Variants in DYDC1 observed in about 807,000 individuals in gnomAD.
DYDC1 encodes the protein DPY30 domain containing 1, also known as DPY30 domain-containing protein 1.
Under a neutral mutation model 27.9 loss-of-function variants are expected in DYDC1, and 21 were observed. That is an observed-to-expected ratio of 0.75 (90% CI 0.53 to 1.08). The LOEUF (loss-of-function observed/expected upper bound fraction) is 1.08, where lower values mean the gene tolerates loss of function less well. Ranked by LOEUF, DYDC1 falls within the 50% of genes least tolerant of loss-of-function variation. DYDC1 has a pLI of 0.00. For missense variants in DYDC1, 202 were observed against 205.9 expected (o/e 0.98, Z 0.12); for synonymous variants, 67 against 65.8 (o/e 1.02, Z -0.09).
chr10:80,350,319 G>C (rs995644457), intron 3 of DYDC1, among the ~76,000 whole-genome samples: 1 of 152,188 alleles, frequency 6.6e-6, no homozygotes, highest in African/African-American at 2.4e-5. Context: ...AGAGAGTTAT[G>C]TATCTCCCAC....
chr10:80,352,021 A>G lies in DYDC1; in HGVS notation c.148-19T>C, dbSNP rs1462690318. On this transcript the variant is annotated intron_variant, in intron 2 of 6. Transcript: ENST00000372202. ...TTTGTCTCTAGCATTGTTTAAAAACAACAGCACACGACTTCTTAGCGAGAA... is the reference window on the plus strand; with the variant it reads ...TTTGTCTCTAGCATTGTTTAAAAACGACAGCACACGACTTCTTAGCGAGAA... 1 of 1,610,448 alleles carries G rather than the reference A, an allele frequency of 6.2e-7. No homozygotes were observed. Among genetic ancestry groups the G allele is most frequent in the Admixed American group, 1.7e-5 (1 of 59,902 alleles).
At chr10:80,343,566 G>A (rs1391867520) in intron 3 of DYDC1, among the ~76,000 whole-genome samples, 1 of 151,974 alleles carries the variant, frequency 6.6e-6, no homozygotes, top group Non-Finnish European at 1.5e-5. Flanking sequence ...GAAGCCAGGA[G>A]TTCAAGACCA....
intron 1 of DYDC1, among the ~76,000 whole-genome samples, chr10:80,353,145 C>G (rs935671240): frequency 6.6e-6 from 1 of 151,628 alleles, no homozygotes; most frequent in Non-Finnish European, 1.5e-5. Flanking sequence ...CAATAGTCCA[C>G]CTTTTGAAAA....
intron 1 of DYDC1, among the ~76,000 whole-genome samples, chr10:80,352,970 G>A (rs929943021): frequency 6.6e-6 from 1 of 152,118 alleles, no homozygotes; most frequent in Non-Finnish European, 1.5e-5. Flanking sequence ...GTGGGAAGAT[G>A]AGCAAGCCCA....
chr10:80,347,727 T>C (rs954732755), intron 3 of DYDC1, among the ~76,000 whole-genome samples: 2 of 152,196 alleles, frequency 1.3e-5, no homozygotes, highest in African/African-American at 4.8e-5. Flanking sequence ...TCCCTTTGTG[T>C]TTTCTTGCAG....
chr10:80,349,209 A>G, intron 3 of DYDC1, among the ~76,000 whole-genome samples: 1 of 152,226 alleles, frequency 6.6e-6, no homozygotes, highest in East Asian at 1.9e-4. Context: ...AATATTTTAA[A>G]ATAGATTTTG....
At chr10:80,348,250 C>T (rs1842785157) in intron 3 of DYDC1, among the ~76,000 whole-genome samples, 1 of 151,990 alleles carries the variant, frequency 6.6e-6, no homozygotes, top group African/African-American at 2.4e-5. Flanking sequence ...GTTTCTTTTT[C>T]GAGTAAGTTA....
At chr10:80,345,234 T>C (rs978793309) in intron 3 of DYDC1, among the ~76,000 whole-genome samples, 14 of 152,194 alleles carry the variant, frequency 9.2e-5, no homozygotes, top group African/African-American at 2.9e-4. Context: ...AAGCTGAATA[T>C]ATCCTGATGT....
chr10:80,348,194 G>A (rs931651447), intron 3 of DYDC1, among the ~76,000 whole-genome samples: 1 of 152,016 alleles, frequency 6.6e-6, no homozygotes, highest in Non-Finnish European at 1.5e-5. Context: ...TTATTCCTAC[G>A]TATATTATTC....
At chr10:80,336,824 C>G (rs912454716) in intron 6 of DYDC1, among the ~76,000 whole-genome samples, 1 of 152,342 alleles carries the variant, frequency 6.6e-6, no homozygotes, top group Admixed American at 6.5e-5. Flanking sequence ...CCACTCAGTT[C>G]CCTCCATCTC....
At chr10:80,336,237 A>G (rs908311872) in intron 6 of DYDC1, 52 bp from the exon 7 acceptor site, 2 of 1,520,424 alleles carry the variant, frequency 1.3e-6, no homozygotes, top group East Asian at 2.4e-5. Context: ...GAACTGTGAA[A>G]AGGCACAAGC....
At position 80,339,617 on chromosome 10, in the gene DYDC1, T is replaced by C. The variant is rs141923554; in HGVS notation, c.343-464A>G. Among the ~76,000 whole-genome samples, 25 of 152,284 alleles carry C rather than the reference T, an allele frequency of 1.6e-4. No homozygotes were observed. The East Asian group carries it at 4.4e-3, about 27-fold the overall frequency. On this transcript the variant is annotated intron_variant, in intron 4 of 6. Transcript: ENST00000372202. ...AGGACCTGAGCAATGCCCTCTTTAA[T>C]ACTCTGAGCACTGCAGTAGGAATAT...
Position 80,347,848 on chromosome 10 carries a change from T to C in DYDC1, c.249+4053A>G, listed in dbSNP as rs79895716. Among the ~76,000 whole-genome samples, 774 of 152,370 alleles carry C rather than the reference T, an allele frequency of 5.1e-3. 5 individuals carry two copies. The highest frequency in any genetic ancestry group is 0.018 in the African/African-American group (740 of 41,592). On this transcript the variant is annotated intron_variant, in intron 3 of 6. Coordinates refer to ENST00000372202, the MANE Select transcript of DYDC1 (RefSeq NM_001269053.2). ...TATGCCAATACCATACTGTTGTAATTACTATGGCTTTGTAATATAATTCTG... is the reference window on the plus strand; with the variant it reads ...TATGCCAATACCATACTGTTGTAATCACTATGGCTTTGTAATATAATTCTG...
In DYDC1 at chr10:80,336,229, A is replaced by G. The variant is rs746101820; in HGVS notation, c.505-44T>C. ...GTAAATATTCCTTAATACAATTAGA[A>G]CTGTGAAAAGGCACAAGCCAAAGAA... On this transcript the variant is annotated intron_variant, in intron 6 of 6. Coordinates refer to ENST00000372202, the MANE Select transcript of DYDC1 (RefSeq NM_001269053.2). The G allele has an allele frequency of 1.2e-5, 18 of 1,532,012 alleles. No homozygotes were observed. The South Asian group carries it at 2.3e-4, about 20-fold the overall frequency. The allele number at this position is 1,532,012 out of a possible 1,614,324, so 94.9% of individuals were successfully genotyped here.
chr10:80,337,213 G>GTC (rs1393303842), intron 6 of DYDC1: 8 of 985,320 alleles, frequency 8.1e-6, no homozygotes, highest in Non-Finnish European at 9.6e-6. Context: ...CCCAGGTCAG[G>GTC]TCTCTCCCTA....
At position 80,342,220 on chromosome 10, in the gene DYDC1, A is replaced by G. The variant is rs772542490; in HGVS notation, c.342+49T>C. 5.7e-6 allele frequency: 9 copies of G among 1,570,354 alleles called. No homozygotes were observed. The South Asian group carries it at 8.9e-5, about 16-fold the overall frequency. On this transcript the variant is annotated intron_variant, in intron 4 of 6. Coordinates refer to ENST00000372202, the MANE Select transcript of DYDC1 (RefSeq NM_001269053.2). ...AACAGCTGAAATAAACAGTTTGAAG[A>G]TTCTAGAGAGTTTTAAATAAAACTG...
intron 4 of DYDC1, among the ~76,000 whole-genome samples, chr10:80,340,726 G>A (rs190165037): frequency 1.9e-3 from 289 of 152,118 alleles, no homozygotes; most frequent in Non-Finnish European, 2.9e-3. Flanking sequence ...ATAAATAGCT[G>A]TACATATTTA....
intron 3 of DYDC1, among the ~76,000 whole-genome samples, chr10:80,345,819 T>C (rs1032926766): frequency 2.6e-5 from 4 of 152,170 alleles, no homozygotes; most frequent in South Asian, 2.1e-4. Flanking sequence ...ATGTGATACA[T>C]ATATGTGAGA....
chr10:80,342,511 T>A (rs1413987368), intron 3 of DYDC1, 150 bp from the exon 4 acceptor site: 3 of 619,466 alleles, frequency 4.8e-6, no homozygotes, highest in Admixed American at 3.8e-5. Flanking sequence ...ATAAAATTTT[T>A]AAAAAAGATT....
Sources: gnomAD v4.1 joint callset for allele counts (sites outside exome capture counted in the v4.1 genomes callset) on GRCh38, gnomAD v4.1.1 for gene constraint, MANE v1.5 for transcripts, NCBI Gene and HGNC (gene_info 2026-07-23, HGNC 2026-07-21) for gene names.